Variants in GPHN observed in about 807,000 individuals in gnomAD.
GPHN encodes the protein gephyrin.
Under a neutral mutation model 95.5 loss-of-function variants are expected in GPHN, and 17 were observed. That is an observed-to-expected ratio of 0.18 (90% CI 0.12 to 0.27). The LOEUF (loss-of-function observed/expected upper bound fraction) is 0.27. Among genes scored for constraint, GPHN ranks in the 10% least tolerant of loss-of-function variants. GPHN has a pLI of 1.00. For synonymous variants in GPHN, 320 were observed against 322.5 expected (o/e 0.99, Z 0.08); for missense variants, 660 against 978.1 (o/e 0.67, Z 4.34).
At chr14:67,357,987 G>C in the GPHN span, among the ~76,000 whole-genome samples, 2 of 152,022 alleles carry the variant, frequency 1.3e-5, no homozygotes, top group African/African-American at 4.8e-5. Context: ...AGCCTGTTTC[G>C]TAAATGCTCT....
the GPHN span, among the ~76,000 whole-genome samples, chr14:67,190,673 C>G: frequency 6.6e-6 from 1 of 152,156 alleles, no homozygotes; most frequent in Non-Finnish European, 1.5e-5. Flanking sequence ...AAGGCTTTCT[C>G]TTCAAAGCTG....
intron 17 of GPHN, among the ~76,000 whole-genome samples, chr14:67,128,618 A>G (rs1217450462): frequency 1.3e-5 from 2 of 152,040 alleles, no homozygotes; most frequent in East Asian, 1.9e-4. Flanking sequence ...GAGTTTGCAT[A>G]TGGGGTAGAA....
chr14:66,706,766 G>A (rs1411545481), intron 2 of GPHN, among the ~76,000 whole-genome samples: 1 of 152,112 alleles, frequency 6.6e-6, no homozygotes, highest in Non-Finnish European at 1.5e-5. Flanking sequence ...AAGACTTCTT[G>A]ACAAAAATGC....
intron 9 of GPHN, among the ~76,000 whole-genome samples, chr14:66,980,278 G>A (rs1460949186): frequency 3.9e-5 from 6 of 152,080 alleles, no homozygotes; most frequent in Non-Finnish European, 5.9e-5. Flanking sequence ...GGTAAAACGA[G>A]GTATGCCTGT....
chr14:67,632,436 C>A, the GPHN span, among the ~76,000 whole-genome samples: 2 of 152,174 alleles, frequency 1.3e-5, no homozygotes, highest in African/African-American at 4.8e-5. Context: ...TGGACAGCAC[C>A]TTTGATCACA....
At position 66,946,766 on chromosome 14, in the gene GPHN, G is replaced by T. The variant is rs150517058; in HGVS notation, c.829-18425G>T. 2.0e-4 allele frequency among the ~76,000 whole-genome samples: 30 copies of T among 152,232 alleles called. No homozygotes were observed. In the East Asian group the frequency reaches 5.8e-3, roughly 29 times the overall value. On this transcript the variant is annotated intron_variant, in intron 8 of 22. Coordinates refer to ENST00000478722, the MANE Select transcript of GPHN (RefSeq NM_020806.5). Reference sequence around the variant, plus strand: ...TATTATAACTGTTAGTATTTTCATAGATAAAAAACTAGTCTGCTACTCTAA... The same window carrying T: ...TATTATAACTGTTAGTATTTTCATATATAAAAAACTAGTCTGCTACTCTAA...
At chr14:67,554,910 T>C in the GPHN span, among the ~76,000 whole-genome samples, 2 of 152,138 alleles carry the variant, frequency 1.3e-5, no homozygotes, top group African/African-American at 4.8e-5. Flanking sequence ...ACAGAATTTT[T>C]ACTTTTTTAA....
the GPHN span, chr14:67,348,977 T>C: frequency 2.6e-6 from 4 of 1,513,862 alleles, no homozygotes; most frequent in Admixed American, 6.9e-5. Context: ...TATAAACAGG[T>C]TAATTTTAAA....
At chr14:67,645,828 G>C in the GPHN span, 1 of 1,611,524 alleles carries the variant, frequency 6.2e-7, no homozygotes, top group Non-Finnish European at 8.5e-7. Context: ...CGAAAAGAAA[G>C]GTGAATGGCT....
At chr14:67,305,350 G>A in the GPHN span, among the ~76,000 whole-genome samples, 65 of 151,812 alleles carry the variant, frequency 4.3e-4, no homozygotes, top group Admixed American at 1.4e-3. Context: ...ATGTGATCAC[G>A]ACTCCTGCAG....
At chr14:67,345,429 T>C in the GPHN span, among the ~76,000 whole-genome samples, 5 of 151,470 alleles carry the variant, frequency 3.3e-5, no homozygotes, top group African/African-American at 1.2e-4. Context: ...TGGTGGCACA[T>C]GTCTGTAATC....
intron 4 of GPHN, 60 bp downstream of exon 4, chr14:66,824,626 C>G (rs1029629074): frequency 1.3e-6 from 1 of 770,436 alleles, no homozygotes; most frequent in Non-Finnish European, 2.3e-6. Context: ...TTTTTTAATC[C>G]TTTTTACTAT....
chr14:67,390,449 GA>G, the GPHN span, among the ~76,000 whole-genome samples: 9 of 152,206 alleles, frequency 5.9e-5, no homozygotes, highest in African/African-American at 2.2e-4. Context: ...GAAAGTGGGG[GA>G]TTAGGCATGG....
chr14:67,212,181 T>C, the GPHN span, among the ~76,000 whole-genome samples: 4 of 152,298 alleles, frequency 2.6e-5, no homozygotes, highest in South Asian at 8.3e-4. Flanking sequence ...AGCATAGTGA[T>C]GAAAGTACAT....
intron 9 of GPHN, among the ~76,000 whole-genome samples, chr14:66,993,930 C>A (rs1199859632): frequency 6.6e-6 from 1 of 151,890 alleles, no homozygotes; most frequent in Admixed American, 6.6e-5. Flanking sequence ...TAAATATGAC[C>A]AGACTACAAT....
chr14:67,729,400 T>G, the GPHN span: 1 of 1,595,490 alleles, frequency 6.3e-7, no homozygotes, highest in South Asian at 1.1e-5. Flanking sequence ...GGCAATGCGG[T>G]TCTCTCCACC....
At chr14:66,986,470 A>T (rs113344633) in intron 9 of GPHN, among the ~76,000 whole-genome samples, 2,303 of 152,186 alleles carry the variant, frequency 0.015, 33 homozygotes, top group Non-Finnish European at 0.018. Flanking sequence ...CTAAATATTT[A>T]TTTGCTCAAT....
intron 6 of GPHN, among the ~76,000 whole-genome samples, chr14:66,917,650 G>A (rs541115435): frequency 1.3e-5 from 2 of 152,306 alleles, no homozygotes; most frequent in African/African-American, 4.8e-5. Flanking sequence ...TTCATTTAGA[G>A]TAGGATTGTA....
In GPHN at chr14:67,048,580, C is replaced by T. The variant is rs2075147268; in HGVS notation, c.1007-10069C>T. Among the ~76,000 whole-genome samples, 2 of 152,338 alleles carry T rather than the reference C, an allele frequency of 1.3e-5. 1 individual carries two copies. The highest frequency in any genetic ancestry group is 4.1e-4 in the South Asian group (2 of 4,830). On this transcript the variant is annotated intron_variant, in intron 10 of 22. Transcript: ENST00000478722. ...GTCTGTCACTCTTAGCTCCTTAGCT[C>T]AGTTCAGACAGCTATAGTGGGGAAG... is the stretch of plus-strand genomic sequence containing the variant.
Sources: allele counts gnomAD v4.1 joint callset (sites outside exome capture counted in the v4.1 genomes callset), GRCh38; gene constraint gnomAD v4.1.1; transcripts MANE v1.5; gene names NCBI Gene and HGNC (gene_info 2026-07-23, HGNC 2026-07-21).